The following CCDC15 variants were observed in gnomAD, a reference collection of about 807,000 sequenced individuals.
CCDC15 encodes the protein coiled-coil domain-containing protein 15.
In CCDC15, 105 loss-of-function variants were observed where a neutral mutation model predicts 114.5. That is an observed-to-expected ratio of 0.92 (90% CI 0.78 to 1.08). The LOEUF (loss-of-function observed/expected upper bound fraction) is 1.08, where lower values mean the gene tolerates loss of function less well. CCDC15 is among the 50% of genes least tolerant of loss of function. CCDC15 has a pLI of 0.00. For missense variants in CCDC15, 1,105 were observed against 1,093.6 expected, an observed-to-expected ratio of 1.01 and a Z score of -0.15; for synonymous variants, 334 against 377.8, an observed-to-expected ratio of 0.88 and a Z score of 1.34.
chr11:124,983,218 C>A (rs1251747163), intron 6 of CCDC15, among the ~76,000 whole-genome samples: 1 of 152,138 alleles, frequency 6.6e-6, no homozygotes, highest in African/African-American at 2.4e-5. Flanking sequence ...ATTCCTTGGA[C>A]TGGGTTTTAA....
chr11:125,014,059 G>A (rs561619414), intron 13 of CCDC15, among the ~76,000 whole-genome samples: 1 of 152,304 alleles, frequency 6.6e-6, no homozygotes, highest in African/African-American at 2.4e-5. Flanking sequence ...GAATCTATTA[G>A]TCTGTGATGA....
rs1358838110 is a variant in CCDC15, at chr11:125,040,718, T to C, written c.*7T>C. 1 of 1,610,074 alleles carries C rather than the reference T, an allele frequency of 6.2e-7. No individual in the cohort carries two copies. Among genetic ancestry groups the C allele is most frequent in the Non-Finnish European group, 8.5e-7 (1 of 1,178,002 alleles). On this transcript the variant is annotated 3_prime_UTR_variant, in exon 16 of 16. Transcript: ENST00000344762. ...GACTTTGAAAAATCTATAATAAGAA[T>C]CTGAAATTAACTGGTAGTATTTTGG...
At chr11:125,007,023 A>G (rs2135520172) in intron 13 of CCDC15, among the ~76,000 whole-genome samples, 1 of 152,372 alleles carries the variant, frequency 6.6e-6, no homozygotes, top group East Asian at 1.9e-4. Context: ...GATCAAATGT[A>G]TGATGTGTAA....
intron 2 of CCDC15, among the ~76,000 whole-genome samples, chr11:124,955,908 A>G (rs1591563645): frequency 6.6e-6 from 1 of 152,294 alleles, no homozygotes; most frequent in East Asian, 1.9e-4. Flanking sequence ...CTCAATCAAG[A>G]AGCTATGACG....
At chr11:124,963,805 G>T (rs1196172585) in intron 4 of CCDC15, among the ~76,000 whole-genome samples, 1 of 152,116 alleles carries the variant, frequency 6.6e-6, no homozygotes, top group East Asian at 1.9e-4. Flanking sequence ...AATCCATCTT[G>T]AATTAACTTT....
intron 13 of CCDC15, among the ~76,000 whole-genome samples, chr11:125,026,699 A>G (rs1160654695): frequency 1.3e-5 from 2 of 151,986 alleles, no homozygotes; most frequent in African/African-American, 2.4e-5. Context: ...CCCTGGTACC[A>G]TTTTATGTTG....
intron 13 of CCDC15, among the ~76,000 whole-genome samples, chr11:125,007,813 C>T (rs1948562723): frequency 6.6e-6 from 1 of 152,092 alleles, no homozygotes; most frequent in South Asian, 2.1e-4. Flanking sequence ...TGGGTAAGTT[C>T]AGTTGATCCC....
At chr11:125,015,541 A>G (rs1324724707) in intron 13 of CCDC15, among the ~76,000 whole-genome samples, 2 of 152,192 alleles carry the variant, frequency 1.3e-5, no homozygotes, top group African/African-American at 4.8e-5. Context: ...GAAGAAATTG[A>G]ATACTTGAGT....
intron 6 of CCDC15, 135 bp downstream of exon 6, chr11:124,977,735 C>A: frequency 1.2e-6 from 1 of 845,654 alleles, no homozygotes; most frequent in Non-Finnish European, 1.7e-6. Flanking sequence ...ATTCATATAC[C>A]ATACAATTCA....
At chr11:124,984,072 A>T (rs969661187) in intron 6 of CCDC15, among the ~76,000 whole-genome samples, 12 of 151,982 alleles carry the variant, frequency 7.9e-5, no homozygotes, top group African/African-American at 2.9e-4. Context: ...CAGTAGTGAC[A>T]CACCATTGCA....
In CCDC15 at chr11:124,959,920, A is replaced by G; in HGVS notation, c.433A>G (p.Arg145Gly). ...NNLNVAIGSSRLPPSLMPGDG... is the reference protein window; with the variant it reads ...NNLNVAIGSSGLPPSLMPGDG... ...TTTGAATGTTGCTATTGGAAGTTCTAGGTTACCTCCTTCCCTGATGCCTGG... is the reference window on the plus strand; with the variant it reads ...TTTGAATGTTGCTATTGGAAGTTCTGGGTTACCTCCTTCCCTGATGCCTGG... Residue 145 changes from arginine to glycine, a missense_variant, in exon 4 of 16, where the codon AGG becomes GGG. Physicochemically the swap from Arg to Gly is moderately radical, Grantham distance 125. Coordinates refer to ENST00000344762, the MANE Select transcript of CCDC15 (RefSeq NM_025004.3). 6.3e-7 allele frequency: 1 copy of G among 1,588,028 alleles called. No individual in the cohort carries two copies. Among genetic ancestry groups the G allele is most frequent in the East Asian group, 2.3e-5 (1 of 44,398 alleles).
chr11:125,022,050 C>T (rs1332312178), intron 13 of CCDC15, among the ~76,000 whole-genome samples: 1 of 151,926 alleles, frequency 6.6e-6, no homozygotes, highest in Non-Finnish European at 1.5e-5. Flanking sequence ...TCAATATACG[C>T]AGATCCCTAG....
intron 9 of CCDC15, 46 bp from the exon 10 acceptor site, chr11:124,992,533 CA>C (rs1948287747): frequency 8.8e-7 from 1 of 1,141,850 alleles, no homozygotes; most frequent in South Asian, 1.3e-5. Context: ...TAGCATTACA[CA>C]ATTTTTTTTC....
intron 13 of CCDC15, among the ~76,000 whole-genome samples, chr11:125,028,798 G>A (rs185184818): frequency 2.0e-5 from 3 of 152,184 alleles, no homozygotes; most frequent in African/African-American, 7.2e-5. Context: ...TCTCTTGCCC[G>A]ATCACTCTGG....
intron 13 of CCDC15, among the ~76,000 whole-genome samples, chr11:125,008,349 G>A (rs555025895): frequency 2.6e-5 from 4 of 152,318 alleles, no homozygotes; most frequent in Admixed American, 6.5e-5. Context: ...ATATCGGAAA[G>A]TGATTGACTT....
intron 4 of CCDC15, among the ~76,000 whole-genome samples, chr11:124,961,483 T>C (rs539468215): frequency 2.0e-5 from 3 of 152,292 alleles, no homozygotes; most frequent in East Asian, 3.9e-4. Context: ...ATGGGAGAGA[T>C]AGACTTGAAC....
intron 2 of CCDC15, 28 bp from the exon 3 acceptor site, chr11:124,959,087 G>C: frequency 6.7e-7 from 1 of 1,499,332 alleles, no homozygotes; most frequent in Non-Finnish European, 8.9e-7. Context: ...TAACATTTAA[G>C]TTCATTTTCT....
At position 124,988,103 on chromosome 11, in the gene CCDC15, G is replaced by C; in HGVS notation, c.1877G>C (p.Cys626Ser). 6.2e-7 allele frequency: 1 copy of C among 1,612,534 alleles called. No homozygotes were observed. Among genetic ancestry groups the C allele is most frequent in the Non-Finnish European group, 8.5e-7 (1 of 1,179,432 alleles). The change falls in exon 8 of 16, where the codon TGT (cysteine) becomes TCT (serine). Residue 626 changes from cysteine to serine, a missense_variant. Cys to Ser is a moderately radical substitution (Grantham distance 112). Transcript: ENST00000344762. ...AACGACCAGAATATTCTACCCAAAT[G>C]TCAGGACCAAGATTTTCTACCAAAA... is the stretch of plus-strand genomic sequence containing the variant. ...LSNDQNILPKCQDQDFLPKYQ... is the reference protein window; with the variant it reads ...LSNDQNILPKSQDQDFLPKYQ...
At chr11:125,009,655 CT>C (rs1035442309) in intron 13 of CCDC15, among the ~76,000 whole-genome samples, 35 of 152,218 alleles carry the variant, frequency 2.3e-4, no homozygotes, top group African/African-American at 7.5e-4. Context: ...TTCTCCTCCC[CT>C]ATCCCTCCCT....
Sources: gnomAD v4.1 joint callset for allele counts (sites outside exome capture counted in the v4.1 genomes callset) on GRCh38, gnomAD v4.1.1 for gene constraint, MANE v1.5 for transcripts, NCBI Gene and HGNC (gene_info 2026-07-23, HGNC 2026-07-21) for gene names.